Variants in CASZ1 observed in about 807,000 individuals in gnomAD.
CASZ1 encodes the protein castor zinc finger 1, also known as zinc finger protein castor homolog 1.
Under a neutral mutation model 135.2 loss-of-function variants are expected in CASZ1, and 28 were observed. The ratio of observed to expected loss-of-function variants is 0.21; its 90% CI spans 0.15 to 0.28. The LOEUF (loss-of-function observed/expected upper bound fraction) is 0.28. CASZ1 is among the 10% of genes least tolerant of loss of function. CASZ1 has a pLI of 1.00. For synonymous variants in CASZ1, 1,068 were observed against 1,073.4 expected (o/e 0.99, Z 0.10); for missense variants, 2,161 against 2,453.3 (o/e 0.88, Z 2.52).
intron 13 of CASZ1, chr1:10,649,693 T>C: frequency 2.2e-6 from 1 of 463,488 alleles, no homozygotes; most frequent in Admixed American, 3.5e-5. Flanking sequence ...GCGGGATCCA[T>C]CACTCAAGCC....
intron 4 of CASZ1, among the ~76,000 whole-genome samples, chr1:10,668,108 A>G (rs1643292039): frequency 6.6e-6 from 1 of 152,272 alleles, no homozygotes; most frequent in Admixed American, 6.5e-5. Context: ...ACACAGGGGC[A>G]GGAGGCAGAG....
Position 10,651,093 on chromosome 1 carries a change from G to A in CASZ1, c.2681-17C>T. The A allele has an allele frequency of 6.7e-7, 1 of 1,489,722 alleles. No homozygotes were observed. Among genetic ancestry groups the A allele is most frequent in the Non-Finnish European group, 8.9e-7 (1 of 1,129,756 alleles). 92.3% of individuals were successfully genotyped at this position (1,489,722 alleles called of 1,614,324 possible). ...GCCCGCTTCCTGCAGGGGAGGGGTG[G>A]GAAGATGCGTCAGAGGGGCTGAAGG... On this transcript the variant is annotated splice_polypyrimidine_tract_variant and intron_variant, in intron 11 of 20. Transcript: ENST00000377022.
intron 2 of CASZ1, among the ~76,000 whole-genome samples, chr1:10,718,069 G>A (rs1460796676): frequency 6.6e-6 from 1 of 152,246 alleles, no homozygotes; most frequent in South Asian, 2.1e-4. Context: ...CTTCCCATTT[G>A]ACAGATGAGG....
chr1:10,642,657 C>T (rs2124667704), intron 20 of CASZ1, among the ~76,000 whole-genome samples: 1 of 152,160 alleles, frequency 6.6e-6, no homozygotes, highest in South Asian at 2.1e-4. Context: ...GAAACTGACG[C>T]AAAGGGCAGT....
intron 4 of CASZ1, among the ~76,000 whole-genome samples, chr1:10,682,902 C>T (rs1483936299): frequency 2.6e-5 from 4 of 152,244 alleles, no homozygotes; most frequent in African/African-American, 4.8e-5. Flanking sequence ...GTGGCTGGGC[C>T]GGGGCCTGTC....
At chr1:10,740,558 A>G (rs976110002) in intron 2 of CASZ1, among the ~76,000 whole-genome samples, 85 of 152,350 alleles carry the variant, frequency 5.6e-4, no homozygotes, top group African/African-American at 2.0e-3. Flanking sequence ...ACAGGCTGGG[A>G]GGCCAAGCAG....
chr1:10,651,103 T>C, intron 11 of CASZ1, 27 bp from the exon 12 acceptor site: 1 of 1,470,062 alleles, frequency 6.8e-7, no homozygotes, highest in East Asian at 2.4e-5. Context: ...GGAAGATGCG[T>C]CAGAGGGGCT....
rs1327167737 is a variant in CASZ1, at chr1:10,767,839, T to C, written c.-233-6982A>G. On this transcript the variant is annotated intron_variant, in intron 1 of 20. Coordinates refer to ENST00000377022, the MANE Select transcript of CASZ1 (RefSeq NM_001079843.3). This position sits in a 1 kb window ranked among gnomAD's most constrained non-coding sequence, Gnocchi z 4.2. ...GGGATCACTTCCCTCGCTGGCCCTG[T>C]CCACAGCCCTCGGCCCATGAGGAGG... is the stretch of plus-strand genomic sequence containing the variant. Among the ~76,000 whole-genome samples the C allele has an allele frequency of 6.6e-6, 1 of 152,120 alleles. No homozygotes were observed. Among genetic ancestry groups the C allele is most frequent in the Non-Finnish European group, 1.5e-5 (1 of 68,032 alleles).
At position 10,646,995 on chromosome 1, in the gene CASZ1, C is replaced by T. The variant is rs544648283; in HGVS notation, c.3498-669G>A. ...CAGAGGGGTGCAGGAGGACACTGGT[C>T]CCAGCCTTCAACTCTGGTTGGCAAC... On this transcript the variant is annotated intron_variant, in intron 16 of 20. Transcript: ENST00000377022. This position sits in a 1 kb window ranked among gnomAD's most constrained non-coding sequence, Gnocchi z 6.4. Among the ~76,000 whole-genome samples the T allele has an allele frequency of 2.5e-4, 38 of 152,166 alleles. No individual in the cohort carries two copies. In the South Asian group the frequency reaches 7.3e-3, roughly 29 times the overall value.
chr1:10,665,499 T>C lies in CASZ1; in HGVS notation c.89A>G (p.Lys30Arg), dbSNP rs1323567449. Residue 30 changes from lysine to arginine, a missense_variant, in exon 5 of 21, where the codon AAG becomes AGG. Coordinates refer to ENST00000377022, the MANE Select transcript of CASZ1 (RefSeq NM_001079843.3). ...CAGCTTGGCGCAGATGGCGTTCAGC[T>C]TCAGGCCACCCTTGCGTTTGGGCGC... ...AMAPKRKGGL[K>R]LNAICAKLSR... 1.2e-6 allele frequency: 2 copies of C among 1,605,242 alleles called. No individual in the cohort carries two copies. Among genetic ancestry groups the C allele is most frequent in the African/African-American group, 2.7e-5 (2 of 74,906 alleles).
chr1:10,646,444 A>G lies in CASZ1; in HGVS notation c.3498-118T>C. 1.1e-6 allele frequency: 1 copy of G among 933,964 alleles called. No homozygotes were observed. The highest frequency in any genetic ancestry group is 1.7e-6 in the Non-Finnish European group (1 of 601,456). The allele number at this position is 933,964 out of a possible 1,614,324, so 57.9% of individuals were successfully genotyped here. A position where few individuals can be genotyped will look rare whatever the true frequency, so the allele number is the denominator to read the frequency against. ...ACGACCAGCGGTACCACCAAGAGGG[A>G]TGGCCTGGGCTGCTGTCCTGCTCAA... is the stretch of plus-strand genomic sequence containing the variant. On this transcript the variant is annotated intron_variant, in intron 16 of 20. Coordinates refer to ENST00000377022, the MANE Select transcript of CASZ1 (RefSeq NM_001079843.3). This position sits in a 1 kb window ranked among gnomAD's most constrained non-coding sequence, Gnocchi z 6.4.
Position 10,658,572 on chromosome 1 carries a change from C to T in CASZ1, c.1345G>A (p.Gly449Arg), listed in dbSNP as rs754114211. The T allele has an allele frequency of 3.7e-6, 6 of 1,614,000 alleles. No individual in the cohort carries two copies. The highest frequency in any genetic ancestry group is 1.7e-5 in the Admixed American group (1 of 60,030). The stretch of plus-strand genomic sequence containing the variant: ...ACGGCTGGTTTATCTGTGGGCAGTC[C>T]GTTCCTGGCAAGAGACACACAGGGC... ...TTGTVSTVKN[G>R]LPTDKPAVTE... is the part of the protein sequence containing the mutation. The change falls in exon 7 of 21, where the codon GGA becomes AGA. Residue 449 changes from glycine (G) to arginine (R), a missense_variant. Around this residue, in one of 7 missense-constraint regions of CASZ1, gnomAD observed 248 missense variants for 410.8 expected, o/e 0.60. Transcript: ENST00000377022.
chr1:10,725,991 T>C lies in CASZ1; in HGVS notation c.-76-20447A>G, dbSNP rs1318817319. 6.6e-6 allele frequency among the ~76,000 whole-genome samples: 1 copy of C among 152,024 alleles called. No homozygotes were observed. Among genetic ancestry groups the C allele is most frequent in the Non-Finnish European group, 1.5e-5 (1 of 67,996 alleles). Reference sequence around the variant, plus strand: ...TCAGTGCACTAGGAAATAATGGTAATAGCAATAATAATGACAGCTAGCATT... The same window carrying C: ...TCAGTGCACTAGGAAATAATGGTAACAGCAATAATAATGACAGCTAGCATT... On this transcript the variant is annotated intron_variant, in intron 2 of 20. Transcript: ENST00000377022. The surrounding 1 kb of genome is among the most constrained non-coding windows in gnomAD (Gnocchi z 4.4).
At chr1:10,742,901 C>A (rs1312120254) in intron 2 of CASZ1, among the ~76,000 whole-genome samples, 1 of 152,084 alleles carries the variant, frequency 6.6e-6, no homozygotes, top group Non-Finnish European at 1.5e-5. Context: ...GGGAGAATTG[C>A]TTGAACCCGG....
intron 1 of CASZ1, among the ~76,000 whole-genome samples, chr1:10,769,123 G>C (rs1175850443): frequency 6.6e-6 from 1 of 152,180 alleles, no homozygotes; most frequent in Admixed American, 6.5e-5. Flanking sequence ...CTGGGCAACA[G>C]AGCAAGCCTC....
At chr1:10,684,369 G>A (rs765986828) in intron 4 of CASZ1, among the ~76,000 whole-genome samples, 3 of 152,310 alleles carry the variant, frequency 2.0e-5, no homozygotes, top group Middle Eastern at 3.4e-3. Flanking sequence ...GGCGGGGAGC[G>A]GGGGACACGA....
At chr1:10,760,111 C>T (rs1378092375) in intron 2 of CASZ1, among the ~76,000 whole-genome samples, 2 of 152,186 alleles carry the variant, frequency 1.3e-5, no homozygotes, top group African/African-American at 4.8e-5. Context: ...AAGCCTGGGT[C>T]AAAAGGCACC....
In CASZ1 at chr1:10,719,832, G is replaced by A. The variant is rs577054346; in HGVS notation, c.-76-14288C>T. On this transcript the variant is annotated intron_variant, in intron 2 of 20. Coordinates refer to ENST00000377022, the MANE Select transcript of CASZ1 (RefSeq NM_001079843.3). This position sits in a 1 kb window ranked among gnomAD's most constrained non-coding sequence, Gnocchi z 4.0. The stretch of plus-strand genomic sequence containing the variant: ...CCACAGGCCTGGAACAGGCACCTCC[G>A]GGGTTCAAAGGCCCACAGAAGCCAC... Among the ~76,000 whole-genome samples, 26 of 152,242 alleles carry A rather than the reference G, an allele frequency of 1.7e-4. No individual in the cohort carries two copies. Among genetic ancestry groups the A allele is most frequent in the Non-Finnish European group, 3.5e-4 (24 of 68,040 alleles).
chr1:10,736,181 A>T (rs1289572784), intron 2 of CASZ1, among the ~76,000 whole-genome samples: 2 of 152,044 alleles, frequency 1.3e-5, no homozygotes, highest in African/African-American at 4.8e-5. Context: ...GTCTCCAGGA[A>T]CCCCCAAGCC....
Sources: allele counts gnomAD v4.1 joint callset (sites outside exome capture counted in the v4.1 genomes callset), GRCh38; gene constraint gnomAD v4.1.1; regional missense constraint gnomAD v4.1.1; non-coding constraint Gnocchi (gnomAD v3.1); transcripts MANE v1.5; gene names NCBI Gene and HGNC (gene_info 2026-07-23, HGNC 2026-07-21).